ENOPH1: variants seen among roughly 807,000 people sequenced by gnomAD.
ENOPH1 encodes the protein enolase-phosphatase E1.
A neutral mutation model predicts 31.1 loss-of-function variants in ENOPH1; 14 were observed. The observed-to-expected ratio is 0.45, with a 90% CI of 0.30 to 0.70. ENOPH1 has a LOEUF of 0.70. Among genes scored for constraint, ENOPH1 ranks in the 30% least tolerant of loss-of-function variants. The pLI is 0.09. For missense variants in ENOPH1, 243 were observed against 321.5 expected, an observed-to-expected ratio of 0.76 and a Z score of 1.87; for synonymous variants, 127 against 123.2, an observed-to-expected ratio of 1.03 and a Z score of -0.21.
At chr4:82,448,514 G>A (rs961355947) in intron 2 of ENOPH1, among the ~76,000 whole-genome samples, 1 of 151,410 alleles carries the variant, frequency 6.6e-6, no homozygotes, top group Non-Finnish European at 1.5e-5. Context: ...TACCCTCCTC[G>A]GCCTCCCAAA....
At chr4:82,450,034 G>A (rs1317600551) in intron 2 of ENOPH1, among the ~76,000 whole-genome samples, 3 of 152,080 alleles carry the variant, frequency 2.0e-5, no homozygotes, top group African/African-American at 7.2e-5. Flanking sequence ...CTAACTCACT[G>A]GCAGTTATTT....
rs556152744 is a variant in ENOPH1 at position 82,438,947 on chromosome 4, G to C, written c.84+8034G>C. On this transcript the variant is annotated intron_variant, in intron 1 of 5. Coordinates refer to ENST00000273920, the MANE Select transcript of ENOPH1 (RefSeq NM_021204.5). ...GAATTTCACATTTATCAACTCATTT[G>C]ATTTTCAAAACTGGTTTTGTTGGAG... 3.7e-4 allele frequency among the ~76,000 whole-genome samples: 57 copies of C among 152,194 alleles called. 1 individual carries two copies. The South Asian group carries it at 0.012, about 31-fold the overall frequency.
intron 1 of ENOPH1, among the ~76,000 whole-genome samples, chr4:82,439,738 G>A (rs1258559819): frequency 6.6e-6 from 1 of 152,204 alleles, no homozygotes; most frequent in Non-Finnish European, 1.5e-5. Context: ...TAAATTTTGA[G>A]TGCTTGGTGG....
At chr4:82,454,626 G>C in intron 3 of ENOPH1, 96 bp from the exon 4 acceptor site, 1 of 1,368,148 alleles carries the variant, frequency 7.3e-7, no homozygotes, top group East Asian at 2.4e-5. Context: ...TTACCATGTG[G>C]GCACAAAGAG....
At chr4:82,459,714 G>C (rs980026709) in intron 5 of ENOPH1, among the ~76,000 whole-genome samples, 7 of 152,058 alleles carry the variant, frequency 4.6e-5, no homozygotes, top group Non-Finnish European at 8.8e-5. Context: ...ACTTAATAAA[G>C]CTCAGAAGTG....
chr4:82,445,218 G>C (rs1722145392), intron 1 of ENOPH1, among the ~76,000 whole-genome samples: 1 of 151,654 alleles, frequency 6.6e-6, no homozygotes, highest in African/African-American at 2.4e-5. Context: ...GACAGATCAA[G>C]ACTCTGTCTC....
At chr4:82,453,796 G>A (rs562825149) in intron 3 of ENOPH1, among the ~76,000 whole-genome samples, 2 of 152,296 alleles carry the variant, frequency 1.3e-5, no homozygotes, top group East Asian at 3.9e-4. Context: ...GAGACTGAGT[G>A]TCAGAAGTCA....
intron 3 of ENOPH1, among the ~76,000 whole-genome samples, chr4:82,452,017 G>C (rs981029258): frequency 4.6e-5 from 7 of 152,046 alleles, no homozygotes; most frequent in African/African-American, 1.4e-4. Flanking sequence ...CTGGGCTTGA[G>C]CGATCTGCCT....
chr4:82,436,385 A>G (rs1400024233), intron 1 of ENOPH1, among the ~76,000 whole-genome samples: 1 of 152,124 alleles, frequency 6.6e-6, no homozygotes, highest in Non-Finnish European at 1.5e-5. Flanking sequence ...GCGTATATCA[A>G]GAGGTGGATG....
chr4:82,457,077 T>G, intron 5 of ENOPH1, 39 bp downstream of exon 5: 1 of 1,587,226 alleles, frequency 6.3e-7, no homozygotes, highest in Non-Finnish European at 8.6e-7. Flanking sequence ...CTCCAGGATA[T>G]GAACTGAGCC....
At chr4:82,444,676 A>T (rs1424668221) in intron 1 of ENOPH1, among the ~76,000 whole-genome samples, 1 of 152,244 alleles carries the variant, frequency 6.6e-6, no homozygotes, top group Non-Finnish European at 1.5e-5. Flanking sequence ...GCAGAGTAAT[A>T]TAAATTGCTG....
intron 1 of ENOPH1, among the ~76,000 whole-genome samples, chr4:82,440,875 A>G (rs1050028188): frequency 4.6e-5 from 7 of 152,342 alleles, no homozygotes; most frequent in Admixed American, 3.9e-4. Flanking sequence ...TCAGTTTTCA[A>G]CCTACACCCC....
At chr4:82,440,309 T>G (rs1363194978) in intron 1 of ENOPH1, among the ~76,000 whole-genome samples, 1 of 152,182 alleles carries the variant, frequency 6.6e-6, no homozygotes, top group Non-Finnish European at 1.5e-5. Flanking sequence ...AAAGCTATAT[T>G]AGAAATTTCC....
At chr4:82,447,724 T>C (rs1268167555) in intron 1 of ENOPH1, among the ~76,000 whole-genome samples, 196 bp from the exon 2 acceptor site, 1 of 152,266 alleles carries the variant, frequency 6.6e-6, no homozygotes, top group Non-Finnish European at 1.5e-5. Context: ...CTGCAGGTTG[T>C]AGTTTGCCGA....
chr4:82,432,503 C>T (rs1326395948), intron 1 of ENOPH1, among the ~76,000 whole-genome samples: 1 of 152,110 alleles, frequency 6.6e-6, no homozygotes. Context: ...TGCCACCACA[C>T]CCAGCTAATT....
chr4:82,437,872 G>T (rs906508771), intron 1 of ENOPH1, among the ~76,000 whole-genome samples: 1 of 152,150 alleles, frequency 6.6e-6, no homozygotes, highest in African/African-American at 2.4e-5. Flanking sequence ...CTGGGATTCA[G>T]TTTCTTCCAT....
At chr4:82,459,950 T>C in intron 5 of ENOPH1, 31 bp from the exon 6 acceptor site, 2 of 1,610,076 alleles carry the variant, frequency 1.2e-6, no homozygotes, top group South Asian at 2.2e-5. Flanking sequence ...TTGGTGTTTC[T>C]GACACACACA....
chr4:82,458,404 G>A (rs992367023), intron 5 of ENOPH1, among the ~76,000 whole-genome samples: 1 of 152,116 alleles, frequency 6.6e-6, no homozygotes, highest in African/African-American at 2.4e-5. Flanking sequence ...CTACTCGGCT[G>A]GGGGCTGAGG....
At chr4:82,435,294 G>A (rs555279897) in intron 1 of ENOPH1, among the ~76,000 whole-genome samples, 1 of 152,060 alleles carries the variant, frequency 6.6e-6, no homozygotes, top group African/African-American at 2.4e-5. Context: ...TATAAAGATG[G>A]GGTTTCACAG....
Sources: allele counts gnomAD v4.1 joint callset (sites outside exome capture counted in the v4.1 genomes callset), GRCh38; gene constraint gnomAD v4.1.1; transcripts MANE v1.5; gene names NCBI Gene and HGNC (gene_info 2026-07-23, HGNC 2026-07-21).